The following THRA variants were observed in gnomAD, a reference collection of about 807,000 sequenced individuals.
THRA encodes thyroid hormone receptor alpha, also known as EAR-7.
In THRA, 13 loss-of-function variants were observed where a neutral mutation model predicts 45.0. The ratio of observed to expected loss-of-function variants is 0.29; its 90% CI spans 0.19 to 0.46. THRA has a LOEUF of 0.46. THRA is among the 20% of genes least tolerant of loss of function. THRA has a pLI of 1.00. For synonymous variants in THRA, 195 were observed against 214.0 expected, an observed-to-expected ratio of 0.91 and a Z score of 0.78; for missense variants, 278 against 556.1, an observed-to-expected ratio of 0.50 and a Z score of 5.03.
rs917303960 is a variant in THRA, at chr17:40,064,021, A to G, written c.-298+929A>G. ...GGGATGAAGGGGGCTGTTGTCCAAA[A>G]TGAGGGGGGAAGCAAAAGTGACACG... On this transcript the variant is annotated intron_variant, in intron 1 of 8. Transcript: ENST00000450525. Among the ~76,000 whole-genome samples, 158 of 148,104 alleles carry G rather than the reference A, an allele frequency of 1.1e-3. 1 individual carries two copies. Among genetic ancestry groups the G allele is most frequent in the Non-Finnish European group, 6.0e-5 (4 of 66,944 alleles).
chr17:40,071,570 T>C (rs1986777746), intron 1 of THRA, among the ~76,000 whole-genome samples: 1 of 152,250 alleles, frequency 6.6e-6, no homozygotes, highest in South Asian at 2.1e-4. Context: ...GCTGTCCTGC[T>C]GTCCAGCCTG....
intron 1 of THRA, among the ~76,000 whole-genome samples, chr17:40,073,012 C>T (rs1049671354): frequency 1.3e-5 from 2 of 152,356 alleles, no homozygotes; most frequent in South Asian, 2.1e-4. Flanking sequence ...ACCAGCTTGC[C>T]TGGGTGCAGA....
Position 40,076,290 on chromosome 17 carries a change from CACG to C in THRA, c.54-580_54-578del, listed in dbSNP as rs1002163464. ...TGTGTATGACCTGGAGCTCAAGCAACACGTGCACACTGGAGGGATGAGGGTGGT... is the reference window on the plus strand; with the variant it reads ...TGTGTATGACCTGGAGCTCAAGCAACTGCACACTGGAGGGATGAGGGTGGT... On this transcript the variant is annotated intron_variant, in intron 2 of 8. Transcript: ENST00000450525. Among the ~76,000 whole-genome samples the C allele has an allele frequency of 3.2e-4, 48 of 152,270 alleles. 1 individual carries two copies. Among genetic ancestry groups the C allele is most frequent in the African/African-American group, 1.1e-3 (46 of 41,534 alleles).
Position 40,077,583 on chromosome 17 carries a change from G to T in THRA, c.197G>T (p.Arg66Leu). The T allele has an allele frequency of 6.2e-7, 1 of 1,613,982 alleles. No individual in the cohort carries two copies. The change falls in exon 4 of 9, where the codon CGC becomes CTC. Residue 66 changes from arginine to leucine, a missense_variant. Transcript: ENST00000450525. ...CGDKATGYHY[R>L]CITCEGCKGF... ...GACAAGGCAACTGGTTATCACTACC[G>T]CTGTATCACTTGTGAGGGCTGCAAG... is the stretch of plus-strand genomic sequence containing the variant.
At chr17:40,079,642 A>G (rs1433946162) in intron 4 of THRA, among the ~76,000 whole-genome samples, 3 of 152,206 alleles carry the variant, frequency 2.0e-5, no homozygotes, top group Non-Finnish European at 4.4e-5. Flanking sequence ...AGTCCAAGGC[A>G]GGCAGATCAC....
rs116709094 is a variant in THRA at position 40,075,193 on chromosome 17, C to T, written c.53+652C>T. On this transcript the variant is annotated intron_variant, in intron 2 of 8. Coordinates refer to ENST00000450525, the MANE Select transcript of THRA (RefSeq NM_199334.5). ...TGTGATCTGCATTGCCCTTGAGGAGCCCAGAGGGTCTCTGTCTTTTCTATC... is the reference window on the plus strand; with the variant it reads ...TGTGATCTGCATTGCCCTTGAGGAGTCCAGAGGGTCTCTGTCTTTTCTATC... 5.1e-3 allele frequency among the ~76,000 whole-genome samples: 772 copies of T among 152,274 alleles called. 10 individuals carry two copies. The highest frequency in any genetic ancestry group is 0.018 in the African/African-American group (735 of 41,544).
chr17:40,088,856 C>T lies in THRA; in HGVS notation c.983-350C>T, dbSNP rs577214890. On this transcript the variant is annotated intron_variant, in intron 8 of 8. Transcript: ENST00000450525. ...TGTCTCCCAGTCCCATCTCTTACCC[C>T]TCAGTCCCCTCCCTAACCCCATCTG... Among the ~76,000 whole-genome samples the T allele has an allele frequency of 4.0e-5, 6 of 151,764 alleles. No homozygotes were observed. In the East Asian group the frequency reaches 9.7e-4, roughly 25 times the overall value.
intron 4 of THRA, 106 bp downstream of exon 4, chr17:40,077,714 T>G: frequency 1.2e-6 from 1 of 865,664 alleles, no homozygotes; most frequent in Non-Finnish European, 1.8e-6. Context: ...TTTTTTTCTT[T>G]GAGACGGAGT....
chr17:40,089,419 C>A lies in THRA; in HGVS notation c.1196C>A (p.Pro399Gln), dbSNP rs770873762. 2 of 1,614,212 alleles carry A rather than the reference C, an allele frequency of 1.2e-6. No individual in the cohort carries two copies. Among genetic ancestry groups the A allele is most frequent in the Non-Finnish European group, 1.7e-6 (2 of 1,180,032 alleles). Residue 399 changes from proline (P) to glutamine (Q), a missense_variant, in exon 9 of 9, where the codon CCA (proline) becomes CAA (glutamine). Pro to Gln is a moderately conservative substitution (Grantham distance 76). Coordinates refer to ENST00000450525, the MANE Select transcript of THRA (RefSeq NM_199334.5). The surrounding 1 kb of genome is among the most constrained non-coding windows in gnomAD (Gnocchi z 6.1). ...GAGTGCCCCACCGAACTCTTCCCCC[C>A]ACTCTTCCTCGAGGTCTTTGAGGAT... ...KVECPTELFPPLFLEVFEDQE... is the reference protein window; with the variant it reads ...KVECPTELFPQLFLEVFEDQE...
downstream of THRA, chr17:40,093,141 C>T (rs1322107847): frequency 1.9e-6 from 3 of 1,614,034 alleles, no homozygotes; most frequent in Non-Finnish European, 2.5e-6. This position sits in a 1 kb window ranked among gnomAD's most constrained non-coding sequence, Gnocchi z 5.9. Context: ...GTTCAGGGTC[C>T]GCAGGTCCGG....
chr17:40,081,911 T>A (rs1987149651), intron 4 of THRA, among the ~76,000 whole-genome samples: 1 of 151,606 alleles, frequency 6.6e-6, no homozygotes, highest in Non-Finnish European at 1.5e-5. Flanking sequence ...TGCAGTAAGC[T>A]GAGATCACAC....
chr17:40,069,190 T>G (rs67228062), intron 1 of THRA, among the ~76,000 whole-genome samples: 2 of 141,576 alleles, frequency 1.4e-5, no homozygotes, highest in Non-Finnish European at 3.1e-5. Context: ...TCCCTCTCTC[T>G]CTCTCACACA....
chr17:40,073,912 G>T (rs1338247692), intron 1 of THRA, among the ~76,000 whole-genome samples: 1 of 152,122 alleles, frequency 6.6e-6, no homozygotes, highest in African/African-American at 2.4e-5. Context: ...CCAGGCATTT[G>T]TCTGAATATG....
At chr17:40,088,998 C>T (rs1274252373) in intron 8 of THRA, among the ~76,000 whole-genome samples, 1 of 147,888 alleles carries the variant, frequency 6.8e-6, no homozygotes, top group Non-Finnish European at 1.5e-5. Context: ...CCCAGTACCC[C>T]CCTGCCCCTC....
At chr17:40,063,200 G>A (rs1286553582) in intron 1 of THRA, 108 bp downstream of exon 1, 1 of 152,318 alleles carries the variant, frequency 6.6e-6, no homozygotes, top group African/African-American at 2.4e-5. Context: ...GGGCGCCCAG[G>A]GGGTGCCTGC....
chr17:40,075,529 G>T (rs538330700), intron 2 of THRA, among the ~76,000 whole-genome samples: 1 of 152,202 alleles, frequency 6.6e-6, no homozygotes, highest in South Asian at 2.1e-4. Context: ...CTGGCCTGTC[G>T]CTGTGTGGCT....
Position 40,070,139 on chromosome 17 carries a change from G to GC in THRA, c.-297-4047dup, listed in dbSNP as rs530612753. Among the ~76,000 whole-genome samples, 399 of 151,978 alleles carry GC rather than the reference G, an allele frequency of 2.6e-3. 1 individual carries two copies. The highest frequency in any genetic ancestry group is 9.0e-3 in the African/African-American group (373 of 41,424). ...CACAGTGGCTAGGTGATGAGTCACT[G>GC]CCCCCCAGCTCCAGAACCTGTCTCC... On this transcript the variant is annotated intron_variant, in intron 1 of 8. Coordinates refer to ENST00000450525, the MANE Select transcript of THRA (RefSeq NM_199334.5).
At chr17:40,085,113 G>A (rs1020853913) in intron 6 of THRA, among the ~76,000 whole-genome samples, 2 of 152,134 alleles carry the variant, frequency 1.3e-5, no homozygotes, top group South Asian at 2.1e-4. Context: ...GGAGGAGAGG[G>A]TAAGGATACA....
intron 6 of THRA, 26 bp downstream of exon 6, chr17:40,084,841 A>T (rs755866900): frequency 6.2e-7 from 1 of 1,610,282 alleles, no homozygotes; most frequent in South Asian, 1.1e-5. Context: ...GCATGGGGAG[A>T]GCAGTAGCCA....
Sources: allele counts gnomAD v4.1 joint callset (sites outside exome capture counted in the v4.1 genomes callset), GRCh38; gene constraint gnomAD v4.1.1; non-coding constraint Gnocchi (gnomAD v3.1); transcripts MANE v1.5; gene names NCBI Gene and HGNC (gene_info 2026-07-23, HGNC 2026-07-21).